RGL1: variants seen among roughly 807,000 people sequenced by gnomAD.
RGL1 encodes ral guanine nucleotide dissociation stimulator-like 1.
Under a neutral mutation model 95.2 loss-of-function variants are expected in RGL1, and 24 were observed. The observed-to-expected ratio is 0.25, with a 90% CI of 0.18 to 0.35. The LOEUF is 0.35. RGL1 is among the 10% of genes least tolerant of loss of function. RGL1 has a pLI of 1.00. For synonymous variants in RGL1, 329 were observed against 344.9 expected (o/e 0.95, Z 0.51); for missense variants, 715 against 936.3 (o/e 0.76, Z 3.08).
At chr1:183,822,587 G>A (rs1003933333) in intron 2 of RGL1, among the ~76,000 whole-genome samples, 9 of 152,240 alleles carry the variant, frequency 5.9e-5, no homozygotes, top group Admixed American at 2.6e-4. Context: ...CTAAAAGATC[G>A]TCAAGGTCCT....
At chr1:183,805,435 A>G (rs1220507508) in intron 1 of RGL1, 111 bp downstream of exon 1, 3 of 932,576 alleles carry the variant, frequency 3.2e-6, no homozygotes, top group African/African-American at 3.3e-5. Flanking sequence ...ATCCGATTCC[A>G]TACTTGTGAG....
intron 1 of RGL1, among the ~76,000 whole-genome samples, chr1:183,649,978 A>C (rs1650599280): frequency 6.6e-6 from 1 of 151,656 alleles, no homozygotes; most frequent in African/African-American, 2.4e-5. Flanking sequence ...TGCCCAGATA[A>C]TTTTTTTATT....
intron 16 of RGL1, among the ~76,000 whole-genome samples, chr1:183,920,226 G>A (rs188612902): frequency 6.6e-5 from 10 of 152,000 alleles, no homozygotes; most frequent in South Asian, 2.1e-4. Context: ...TATTAGAGAC[G>A]GGGTTTCACC....
rs1657343541 is a variant in RGL1, at chr1:183,742,100, G to A, written c.-32-26G>A. On this transcript the variant is annotated intron_variant, in intron 1 of 18. Coordinates refer to the RGL1 transcript ENST00000304685. ...TTAATGTTACCCATTGTTTTAACCT[G>A]GATCACACTTTATTCTTCCACACAG... is the stretch of plus-strand genomic sequence containing the variant. 4 of 1,595,172 alleles carry A rather than the reference G, an allele frequency of 2.5e-6. No homozygotes were observed. The South Asian group carries it at 3.4e-5, about 13-fold the overall frequency.
chr1:183,895,032 A>G (rs968183297), intron 9 of RGL1, among the ~76,000 whole-genome samples: 1 of 152,214 alleles, frequency 6.6e-6, no homozygotes, highest in Non-Finnish European at 1.5e-5. Context: ...CTTGGTTCTC[A>G]TGATTCTTGG....
chr1:183,926,296 G>A lies in RGL1; in HGVS notation c.*4G>A. On this transcript the variant is annotated 3_prime_UTR_variant, in exon 18 of 18. Transcript: ENST00000360851. The stretch of plus-strand genomic sequence containing the variant: ...ACACAGCAAAATCACCCTCTGAAGG[G>A]AGGGACCAGTGGCCCCTTGTTTGCC... The A allele has an allele frequency of 1.9e-6, 3 of 1,603,342 alleles. No individual in the cohort carries two copies. The highest frequency in any genetic ancestry group is 2.6e-6 in the Non-Finnish European group (3 of 1,173,046).
intron 16 of RGL1, among the ~76,000 whole-genome samples, chr1:183,921,314 T>C (rs540949298): frequency 1.3e-3 from 200 of 152,320 alleles, no homozygotes; most frequent in African/African-American, 4.6e-3. Context: ...TTTTAATAAC[T>C]ATATATATCT....
rs144137867 is a variant in RGL1, at chr1:183,738,444, A to G, written c.-32-3682A>G. ...TAAAAAAAAAAAGAAAGAAAAAGAA[A>G]GAAGTCAGCAGTTCAACTATAAGAT... On this transcript the variant is annotated intron_variant, in intron 1 of 18. Transcript: ENST00000304685. Among the ~76,000 whole-genome samples the G allele has an allele frequency of 4.8e-3, 730 of 152,246 alleles. 2 individuals are homozygous for G. The highest frequency in any genetic ancestry group is 8.4e-3 in the Non-Finnish European group (573 of 67,986).
chr1:183,788,635 ATAGT>A (rs1660294831), intron 2 of RGL1, among the ~76,000 whole-genome samples: 2 of 152,320 alleles, frequency 1.3e-5, no homozygotes, highest in South Asian at 4.1e-4. Context: ...GGTCACTAAA[ATAGT>A]TATTTATTTA....
intron 2 of RGL1, among the ~76,000 whole-genome samples, chr1:183,794,054 G>GGA (rs1312938761): frequency 1.1e-5 from 1 of 92,380 alleles, no homozygotes; most frequent in Non-Finnish European, 2.2e-5. Flanking sequence ...AAGAAAATGT[G>GGA]GACACACACA....
chr1:183,842,510 T>C (rs1304690089), intron 2 of RGL1, among the ~76,000 whole-genome samples: 1 of 152,210 alleles, frequency 6.6e-6, no homozygotes, highest in Non-Finnish European at 1.5e-5. Flanking sequence ...AATTACCTGG[T>C]AGGACACTTG....
At chr1:183,833,387 A>G (rs1208311653) in intron 2 of RGL1, among the ~76,000 whole-genome samples, 2 of 152,182 alleles carry the variant, frequency 1.3e-5, no homozygotes. Context: ...TAATCAATAG[A>G]GATTCTGCAG....
In RGL1 at chr1:183,847,681, T is replaced by G. The variant is rs1376824763; in HGVS notation, c.254T>G (p.Phe85Cys). The G allele has an allele frequency of 6.2e-7, 1 of 1,614,022 alleles. No homozygotes were observed. Among genetic ancestry groups the G allele is most frequent in the African/African-American group, 1.3e-5 (1 of 74,940 alleles). Residue 85 changes from phenylalanine to cysteine, a missense_variant, in exon 3 of 18, where the codon TTT becomes TGT. Phe to Cys is a radical substitution (Grantham distance 205). This residue lies in a region of RGL1 where 381 missense variants were observed against 484.8 expected (regional missense o/e 0.79). Coordinates refer to ENST00000360851, the MANE Select transcript of RGL1 (RefSeq NM_001297671.3). ...EKLVENLLTAFGDNDFTYISI... is the reference protein window; with the variant it reads ...EKLVENLLTACGDNDFTYISI... ...CTTGTGGAGAACCTGCTGACAGCTT[T>G]TGGGGACAATGACTTTACCTATATC...
At chr1:183,827,985 C>T (rs571527252) in intron 2 of RGL1, among the ~76,000 whole-genome samples, 23 of 152,300 alleles carry the variant, frequency 1.5e-4, no homozygotes, top group African/African-American at 5.3e-4. Flanking sequence ...CCATTGTGTC[C>T]ACTTGCAGAG....
At chr1:183,842,313 A>C (rs1343209169) in intron 2 of RGL1, among the ~76,000 whole-genome samples, 1 of 139,590 alleles carries the variant, frequency 7.2e-6, no homozygotes, top group Non-Finnish European at 1.5e-5. Flanking sequence ...TGACTGAATT[A>C]TTATTTTGAT....
chr1:183,891,567 G>A (rs1038604122), intron 8 of RGL1, among the ~76,000 whole-genome samples: 5 of 152,100 alleles, frequency 3.3e-5, no homozygotes, highest in Admixed American at 1.3e-4. Flanking sequence ...GACTCTGGGA[G>A]TAGAAATAGT....
At chr1:183,860,370 T>C (rs948926670) in intron 3 of RGL1, among the ~76,000 whole-genome samples, 2 of 152,108 alleles carry the variant, frequency 1.3e-5, no homozygotes, top group African/African-American at 4.8e-5. Context: ...GTAAGCAAAA[T>C]AGAAGAGTAA....
At chr1:183,842,599 C>CAACCAAAA (rs979441983) in intron 2 of RGL1, among the ~76,000 whole-genome samples, 4 of 152,102 alleles carry the variant, frequency 2.6e-5, no homozygotes, top group Non-Finnish European at 5.9e-5. Context: ...GCACAAAGAT[C>CAACCAAAA]AACCAAAAAA....
chr1:183,668,402 A>G (rs56758429), intron 1 of RGL1, among the ~76,000 whole-genome samples: 1 of 151,830 alleles, frequency 6.6e-6, no homozygotes, highest in African/African-American at 2.4e-5. Context: ...GTTTTTGAGA[A>G]ATCATGTGTA....
Sources: gnomAD v4.1 joint callset for allele counts (sites outside exome capture counted in the v4.1 genomes callset) on GRCh38, gnomAD v4.1.1 for gene constraint, gnomAD v4.1.1 regional missense constraint, MANE v1.5 for transcripts, NCBI Gene and HGNC (gene_info 2026-07-23, HGNC 2026-07-21) for gene names.